CCSER1: variants seen among roughly 807,000 people sequenced by gnomAD.
CCSER1 encodes the protein serine-rich coiled-coil domain-containing protein 1.
A neutral mutation model predicts 82.0 loss-of-function variants in CCSER1; 41 were observed. That is an observed-to-expected ratio of 0.50 (90% CI 0.39 to 0.65). The LOEUF is 0.65. Among genes scored for constraint, CCSER1 ranks in the 30% least tolerant of loss-of-function variants. The probability of loss-of-function intolerance (pLI) is 0.00; values close to 1 mark genes in which losing one functional copy is unlikely to be tolerated. For synonymous variants in CCSER1, 414 were observed against 383.9 expected (o/e 1.08, Z -0.92); for missense variants, 1,119 against 1,064.2 (o/e 1.05, Z -0.72).
chr4:90,721,851 G>A (rs1742735095), intron 6 of CCSER1, among the ~76,000 whole-genome samples: 1 of 150,944 alleles, frequency 6.6e-6, no homozygotes, highest in Admixed American at 6.6e-5. Flanking sequence ...TTTATCAGCT[G>A]TTGTCATACG....
chr4:91,482,937 C>A (rs1314550855), intron 10 of CCSER1, among the ~76,000 whole-genome samples: 1 of 151,786 alleles, frequency 6.6e-6, no homozygotes, highest in Non-Finnish European at 1.5e-5. Flanking sequence ...CACACCAGGG[C>A]CTGTTGTGGG....
chr4:90,515,535 T>G (rs762613027), intron 5 of CCSER1, among the ~76,000 whole-genome samples: 2 of 152,198 alleles, frequency 1.3e-5, no homozygotes, highest in Non-Finnish European at 2.9e-5. Context: ...CACTGGGAAA[T>G]CTTCTTAAAT....
chr4:91,464,252 T>G (rs7663909), intron 10 of CCSER1, among the ~76,000 whole-genome samples: 101,937 of 151,904 alleles, frequency 0.67, 34,524 homozygotes, highest in East Asian at 0.89. Flanking sequence ...CCAGCCAAAC[T>G]AAGCTTCATA....
intron 10 of CCSER1, among the ~76,000 whole-genome samples, chr4:91,465,595 T>C (rs1169842953): frequency 6.6e-6 from 1 of 152,028 alleles, no homozygotes; most frequent in Non-Finnish European, 1.5e-5. Flanking sequence ...ACAAAATTGA[T>C]AGACTGCTAG....
chr4:90,868,563 T>TTG (rs1364324084), intron 8 of CCSER1, among the ~76,000 whole-genome samples: 2 of 152,042 alleles, frequency 1.3e-5, no homozygotes, highest in East Asian at 3.9e-4. Context: ...TTAGTACTCA[T>TTG]TGTGTGTGTG....
intron 5 of CCSER1, among the ~76,000 whole-genome samples, chr4:90,495,758 A>G (rs1348080996): frequency 2.0e-5 from 3 of 152,180 alleles, no homozygotes; most frequent in African/African-American, 7.2e-5. Context: ...TAAGGATCCA[A>G]TACATTAAAT....
chr4:90,883,791 G>A (rs1450256621), intron 8 of CCSER1, among the ~76,000 whole-genome samples: 1 of 152,092 alleles, frequency 6.6e-6, no homozygotes, highest in African/African-American at 2.4e-5. Context: ...TATATCTGAA[G>A]GCTATAGGGT....
At chr4:91,239,227 A>G (rs1454470100) in intron 10 of CCSER1, among the ~76,000 whole-genome samples, 8 of 114,118 alleles carry the variant, frequency 7.0e-5, no homozygotes, top group Non-Finnish European at 1.4e-4. Flanking sequence ...AAGTTAAATA[A>G]TTTCCCCTAG....
intron 7 of CCSER1, among the ~76,000 whole-genome samples, chr4:90,726,823 A>T (rs1743723977): frequency 6.6e-6 from 1 of 152,104 alleles, no homozygotes; most frequent in African/African-American, 2.4e-5. Flanking sequence ...AAAATCTGGA[A>T]ACTTTGTGGA....
At chr4:90,488,880 G>A (rs1487501723) in intron 5 of CCSER1, among the ~76,000 whole-genome samples, 2 of 152,258 alleles carry the variant, frequency 1.3e-5, no homozygotes, top group Middle Eastern at 3.4e-3. Flanking sequence ...TAAGCACCTT[G>A]TGCAGAGGAG....
At chr4:90,191,862 TA>T (rs1374879488) in intron 1 of CCSER1, among the ~76,000 whole-genome samples, 5 of 152,234 alleles carry the variant, frequency 3.3e-5, no homozygotes, top group Admixed American at 1.3e-4. Context: ...TATAATGTGT[TA>T]ATCTGTGACT....
intron 5 of CCSER1, among the ~76,000 whole-genome samples, chr4:90,590,698 T>C (rs963054613): frequency 1.3e-5 from 2 of 152,190 alleles, no homozygotes; most frequent in African/African-American, 4.8e-5. Context: ...TTGGTTACTG[T>C]AGCCTTGTAG....
intron 1 of CCSER1, among the ~76,000 whole-genome samples, chr4:90,190,276 G>GAAAAGTAT (rs1735382503): frequency 6.6e-6 from 1 of 152,060 alleles, no homozygotes; most frequent in South Asian, 2.1e-4. Flanking sequence ...CATTCAAGAT[G>GAAAAGTAT]AAAAGTATAA....
chr4:90,450,438 A>G (rs1761293651), intron 4 of CCSER1, among the ~76,000 whole-genome samples: 1 of 152,236 alleles, frequency 6.6e-6, no homozygotes, highest in South Asian at 2.1e-4. Context: ...GAGGTCAAGA[A>G]TAAAGGGGCC....
At position 91,437,562 on chromosome 4, in the gene CCSER1, G is replaced by A. The variant is rs112984637; in HGVS notation, c.2218-161010G>A. Among the ~76,000 whole-genome samples, 10 of 152,330 alleles carry A rather than the reference G, an allele frequency of 6.6e-5. 1 individual carries two copies. The highest frequency in any genetic ancestry group is 2.4e-4 in the African/African-American group (10 of 41,578). Reference sequence around the variant, plus strand: ...TCCCAGCGTGAGCGATGCAGAAGACGGGTGATTTCTGCATTTCCATCTGAG... The same window carrying A: ...TCCCAGCGTGAGCGATGCAGAAGACAGGTGATTTCTGCATTTCCATCTGAG... On this transcript the variant is annotated intron_variant, in intron 10 of 10. Coordinates refer to ENST00000509176, the MANE Select transcript of CCSER1 (RefSeq NM_001145065.2).
At chr4:91,400,006 A>T (rs981795553) in intron 10 of CCSER1, among the ~76,000 whole-genome samples, 1 of 151,984 alleles carries the variant, frequency 6.6e-6, no homozygotes, top group Non-Finnish European at 1.5e-5. Flanking sequence ...ATTCTAATTG[A>T]TGTGACTTGA....
At chr4:91,523,672 C>T (rs1760623684) in intron 10 of CCSER1, among the ~76,000 whole-genome samples, 1 of 151,938 alleles carries the variant, frequency 6.6e-6, no homozygotes, top group South Asian at 2.1e-4. Flanking sequence ...AGAGGTGTTT[C>T]TGGTATTCTC....
At chr4:91,500,293 T>A (rs1260467300) in intron 10 of CCSER1, among the ~76,000 whole-genome samples, 2 of 152,086 alleles carry the variant, frequency 1.3e-5, no homozygotes, top group Non-Finnish European at 2.9e-5. Flanking sequence ...TCTCCTCAGG[T>A]CTTTTGCCCA....
intron 6 of CCSER1, among the ~76,000 whole-genome samples, chr4:90,629,384 G>T (rs1723926069): frequency 2.0e-5 from 3 of 152,166 alleles, no homozygotes; most frequent in Admixed American, 2.0e-4. Flanking sequence ...GGCTGGGGAG[G>T]CCTGACAATC....
Sources: gnomAD v4.1 joint callset for allele counts (sites outside exome capture counted in the v4.1 genomes callset) on GRCh38, gnomAD v4.1.1 for gene constraint, MANE v1.5 for transcripts, NCBI Gene and HGNC (gene_info 2026-07-23, HGNC 2026-07-21) for gene names.